CTRC: variants seen among roughly 807,000 people sequenced by gnomAD.
CTRC encodes chymotrypsin C.
Under a neutral mutation model 35.7 loss-of-function variants are expected in CTRC, and 32 were observed. That is an observed-to-expected ratio of 0.90 (90% confidence interval 0.68 to 1.20). The LOEUF is 1.20. Ranked by LOEUF, CTRC falls within the 50% of genes most tolerant of loss-of-function variation. The pLI is 0.00. For missense variants in CTRC, 324 were observed against 361.5 expected (o/e 0.90, Z 0.84); for synonymous variants, 119 against 149.5 (o/e 0.80, Z 1.49).
intron 6 of CTRC, 100 bp from the exon 7 acceptor site, chr1:15,445,497 T>G: frequency 1.5e-6 from 2 of 1,313,512 alleles, no homozygotes; most frequent in Admixed American, 3.5e-5. Flanking sequence ...TAACTAAGGC[T>G]GAGAAGCCAA....
chr1:15,446,528 A>G, intron 7 of CTRC, 47 bp from the exon 8 acceptor site: 1 of 1,602,142 alleles, frequency 6.2e-7, no homozygotes. Flanking sequence ...GCCACCCTAG[A>G]AGGTGGCACA....
At chr1:15,445,116 G>A (rs1007376247) in intron 6 of CTRC, among the ~76,000 whole-genome samples, 1 of 151,554 alleles carries the variant, frequency 6.6e-6, no homozygotes, top group Non-Finnish European at 1.5e-5. Context: ...CTCTACACAT[G>A]TTCCTCCATG....
rs879694718 is a variant in CTRC at position 15,448,307 on chromosome 1, G to A, written c.*1718G>A. On this transcript the variant is annotated 3_prime_UTR_variant, in exon 8 of 8. Coordinates refer to ENST00000375949, the MANE Select transcript of CTRC (RefSeq NM_007272.3). ...TCTGCCTCAGCCTCCCAAGTAGCTG[G>A]GATTACAGGCACGCACCACCATGCA... The A allele has an allele frequency of 2.0e-5, 3 of 151,320 alleles. No homozygotes were observed. The highest frequency in any genetic ancestry group is 4.4e-5 in the Non-Finnish European group (3 of 67,980). The allele number at this position is 151,320 out of a possible 1,614,324, so 9.4% of individuals were successfully genotyped here. A position where few individuals can be genotyped will look rare whatever the true frequency, so the allele number is the denominator to read the frequency against.
At chr1:15,444,900 C>T (rs1459478361) in intron 6 of CTRC, 149 bp downstream of exon 6, 2 of 932,214 alleles carry the variant, frequency 2.1e-6, no homozygotes, top group African/African-American at 1.6e-5. Flanking sequence ...GCCCATCACC[C>T]CCCATCACTG....
chr1:15,445,559 G>T (rs758245744), intron 6 of CTRC, 38 bp from the exon 7 acceptor site: 6 of 1,607,292 alleles, frequency 3.7e-6, no homozygotes, highest in South Asian at 1.1e-5. Context: ...TCCTCTGGGG[G>T]GGGGCCTGGT....
intron 7 of CTRC, 104 bp from the exon 8 acceptor site, chr1:15,446,471 G>A: frequency 8.7e-7 from 1 of 1,144,914 alleles, no homozygotes; most frequent in Non-Finnish European, 1.3e-6. Context: ...AAGGCCGGGG[G>A]CTGCTGGCCA....
chr1:15,440,293 T>C lies in CTRC; in HGVS notation c.41-7T>C. The C allele has an allele frequency of 7.3e-7, 1 of 1,378,750 alleles. No individual in the cohort carries two copies. The highest frequency in any genetic ancestry group is 9.7e-7 in the Non-Finnish European group (1 of 1,035,090). 85.4% of individuals were successfully genotyped at this position (1,378,750 alleles called of 1,614,324 possible). A position where few individuals can be genotyped will look rare whatever the true frequency, so the allele number is the denominator to read the frequency against. On this transcript the variant is annotated splice_polypyrimidine_tract_variant and splice_region_variant and intron_variant, in intron 1 of 7. Transcript: ENST00000375949. ...TCACTGGTTCTTCTGGCCTCCTGTC[T>C]CCCCAGCCTCCAGCTGTGGGGTGCC...
chr1:15,445,568 G>C (rs745383368), intron 6 of CTRC, 29 bp from the exon 7 acceptor site: 1 of 1,609,980 alleles, frequency 6.2e-7, no homozygotes, highest in Admixed American at 1.7e-5. Flanking sequence ...GGGGGGCCTG[G>C]TGGCTTATGC....
intron 5 of CTRC, 103 bp downstream of exon 5, chr1:15,443,658 C>A: frequency 7.5e-7 from 1 of 1,332,210 alleles, no homozygotes; most frequent in Non-Finnish European, 1.1e-6. Flanking sequence ...ATTTTCATGT[C>A]TTTGTAAACT....
chr1:15,444,002 C>T (rs140748767), intron 5 of CTRC, among the ~76,000 whole-genome samples: 1 of 152,032 alleles, frequency 6.6e-6, no homozygotes, highest in East Asian at 1.9e-4. Context: ...CCTGTAATCC[C>T]GACATTTTAG....
chr1:15,441,245 G>A (rs1708127957), intron 3 of CTRC, among the ~76,000 whole-genome samples: 2 of 152,148 alleles, frequency 1.3e-5, no homozygotes, highest in Admixed American at 1.3e-4. Context: ...AGTTTTAAAA[G>A]GGATGGCCAG....
chr1:15,442,985 G>C (rs1415911265), intron 4 of CTRC, among the ~76,000 whole-genome samples: 1 of 152,198 alleles, frequency 6.6e-6, no homozygotes, highest in Admixed American at 6.5e-5. Context: ...CCACTTCGTG[G>C]CAGAACTAGG....
rs545087876 is a variant in CTRC at position 15,444,821 on chromosome 1, G to A, written c.639+70G>A. Reference sequence around the variant, plus strand: ...AGTGGATGTGGGCAAAGGGGGGTGCGATGGACCAAACCCTTCTCCTGGGAG... The same window carrying A: ...AGTGGATGTGGGCAAAGGGGGGTGCAATGGACCAAACCCTTCTCCTGGGAG... On this transcript the variant is annotated intron_variant, in intron 6 of 7. Transcript: ENST00000375949. The A allele has an allele frequency of 5.0e-5, 80 of 1,597,560 alleles. No individual in the cohort carries two copies. In the East Asian group the frequency reaches 5.8e-4, roughly 12 times the overall value.
chr1:15,442,432 C>G lies in CTRC; in HGVS notation c.231-15C>G, dbSNP rs1298564824. The G allele has an allele frequency of 4.1e-5, 65 of 1,604,784 alleles. No individual in the cohort carries two copies. In the Admixed American group the frequency reaches 1.1e-3, roughly 27 times the overall value. On this transcript the variant is annotated splice_polypyrimidine_tract_variant and intron_variant, in intron 3 of 7. Coordinates refer to ENST00000375949, the MANE Select transcript of CTRC (RefSeq NM_007272.3). ...CCAGGGGGCCACCCTGACCTGGACC[C>G]CTTCCTCTGCCCAGCAACACCCGGA...
intron 7 of CTRC, 121 bp downstream of exon 7, chr1:15,445,870 G>A (rs1403556638): frequency 2.1e-5 from 25 of 1,206,154 alleles, no homozygotes; most frequent in Non-Finnish European, 2.7e-5. Flanking sequence ...ACTCATTCAT[G>A]CATTTATTCA....
At chr1:15,441,693 AC>A (rs969672551) in intron 3 of CTRC, among the ~76,000 whole-genome samples, 1 of 149,326 alleles carries the variant, frequency 6.7e-6, no homozygotes, top group African/African-American at 2.5e-5. Context: ...TTTCATATAC[AC>A]TTTTTTTTTT....
chr1:15,444,501 C>A (rs1184596507), intron 5 of CTRC, 105 bp from the exon 6 acceptor site: 2 of 1,407,094 alleles, frequency 1.4e-6, no homozygotes, highest in South Asian at 1.2e-5. Context: ...TCTCAGCCGG[C>A]GCTCCCCTGG....
At chr1:15,439,377 C>A (rs1238137671) in intron 1 of CTRC, among the ~76,000 whole-genome samples, 2 of 149,184 alleles carry the variant, frequency 1.3e-5, no homozygotes, top group South Asian at 2.1e-4. Flanking sequence ...GAGCCGAGAT[C>A]GCGCCATCAA....
intron 3 of CTRC, among the ~76,000 whole-genome samples, chr1:15,441,099 G>A: frequency 6.6e-6 from 1 of 152,150 alleles, no homozygotes; most frequent in East Asian, 1.9e-4. Flanking sequence ...AGAATCACTT[G>A]AACACGGGAG....
Sources: allele counts gnomAD v4.1 joint callset (sites outside exome capture counted in the v4.1 genomes callset), GRCh38; gene constraint gnomAD v4.1.1; transcripts MANE v1.5; gene names NCBI Gene and HGNC (gene_info 2026-07-23, HGNC 2026-07-21).